The following CCDC18 variants were observed in gnomAD, a reference collection of about 807,000 sequenced individuals.
CCDC18 encodes coiled-coil domain-containing protein 18.
Under a neutral mutation model 196.0 loss-of-function variants are expected in CCDC18, and 157 were observed. That is an observed-to-expected ratio of 0.80 (90% confidence interval 0.70 to 0.91). The LOEUF is 0.91. Among genes scored for constraint, CCDC18 ranks in the 40% least tolerant of loss-of-function variants. The pLI, the probability that CCDC18 is intolerant of heterozygous loss-of-function variation, is 0.00. For missense variants in CCDC18, 1,465 were observed against 1,611.6 expected (o/e 0.91, Z 1.56); for synonymous variants, 482 against 529.2 (o/e 0.91, Z 1.22).
At chr1:93,237,853 T>C (rs1340872469) in intron 19 of CCDC18, among the ~76,000 whole-genome samples, 1 of 152,184 alleles carries the variant, frequency 6.6e-6, no homozygotes, top group African/African-American at 2.4e-5. Flanking sequence ...ATCTTTAACA[T>C]ACCTCAGCCA....
chr1:93,197,124 G>A (rs1275701665), intron 6 of CCDC18, among the ~76,000 whole-genome samples: 1 of 151,864 alleles, frequency 6.6e-6, no homozygotes, highest in Non-Finnish European at 1.5e-5. Context: ...AGGAAAAGGA[G>A]GACATCAGAA....
chr1:93,200,751 A>G (rs1210089502), intron 6 of CCDC18, among the ~76,000 whole-genome samples: 1 of 152,224 alleles, frequency 6.6e-6, no homozygotes, highest in East Asian at 1.9e-4. Context: ...ATTTATCCAG[A>G]CTTTTTGATG....
At chr1:93,251,811 A>G (rs1044936125) in intron 23 of CCDC18, among the ~76,000 whole-genome samples, 2 of 152,084 alleles carry the variant, frequency 1.3e-5, no homozygotes, top group Non-Finnish European at 2.9e-5. Flanking sequence ...CTGCATACTT[A>G]TATCTTTCCT....
intron 18 of CCDC18, 21 bp from the exon 19 acceptor site, chr1:93,236,227 T>C: frequency 6.5e-7 from 1 of 1,546,966 alleles, no homozygotes; most frequent in Non-Finnish European, 8.7e-7. Context: ...TTAAAATGTT[T>C]ACTGAAAACT....
chr1:93,204,202 A>T (rs763985168), intron 7 of CCDC18, among the ~76,000 whole-genome samples: 3 of 152,142 alleles, frequency 2.0e-5, no homozygotes, highest in Non-Finnish European at 4.4e-5. Flanking sequence ...GGTCTGAATG[A>T]TATGCAAGAT....
Position 93,221,928 on chromosome 1 carries a change from A to G in CCDC18, c.2167A>G (p.Thr723Ala). ...KALQNQVSEE[T>A]IKVRQLDSAL... ...ATTACAGAACCAAGTATCTGAAGAA[A>G]CAATCAAGGCTAGTATGCTAATACT... is the stretch of plus-strand genomic sequence containing the variant. Residue 723 changes from threonine (T) to alanine (A), a missense_variant, in exon 16 of 29, where the codon ACA (threonine) becomes GCA (alanine). Coordinates refer to ENST00000690025, the MANE Select transcript of CCDC18 (RefSeq NM_001378204.1). The G allele has an allele frequency of 1.3e-6, 2 of 1,584,670 alleles. No individual in the cohort carries two copies. Among genetic ancestry groups the G allele is most frequent in the East Asian group, 2.2e-5 (1 of 44,524 alleles).
At chr1:93,249,408 CTT>C (rs144438088) in intron 23 of CCDC18, among the ~76,000 whole-genome samples, 13,794 of 151,948 alleles carry the variant, frequency 0.091, 2,025 homozygotes, top group African/African-American at 0.31. Context: ...GAAATTAACT[CTT>C]TGTTTCATTT....
intron 14 of CCDC18, among the ~76,000 whole-genome samples, chr1:93,220,976 C>T (rs993647311): frequency 6.6e-6 from 1 of 152,182 alleles, no homozygotes; most frequent in Non-Finnish European, 1.5e-5. Context: ...CTTTTTATGG[C>T]TGCATAGTAT....
In CCDC18 at chr1:93,232,969, TA is replaced by T. The variant is rs1197690862; in HGVS notation, c.2460+389del. 1.1e-3 allele frequency among the ~76,000 whole-genome samples: 161 copies of T among 144,618 alleles called. 1 individual carries two copies. The highest frequency in any genetic ancestry group is 3.5e-3 in the Middle Eastern group (1 of 286). 94.9% of individuals were successfully genotyped at this position (144,618 alleles called of 152,430 possible). The stretch of plus-strand genomic sequence containing the variant: ...CTGGGCGACAGAGTGAGACTCCGCC[TA>T]AAAAAAAAAAAATTGCTGTTAAACC... On this transcript the variant is annotated intron_variant, in intron 18 of 28. Transcript: ENST00000690025.
At chr1:93,243,079 C>G (rs533227104) in intron 21 of CCDC18, among the ~76,000 whole-genome samples, 8 of 152,322 alleles carry the variant, frequency 5.3e-5, no homozygotes, top group Admixed American at 5.2e-4. Context: ...CTCTACCAGG[C>G]AGCGCCCCAG....
chr1:93,201,637 A>G lies in CCDC18; in HGVS notation c.699-255A>G, dbSNP rs866479947. Among the ~76,000 whole-genome samples the G allele has an allele frequency of 4.6e-5, 7 of 151,796 alleles. No individual in the cohort carries two copies. The South Asian group carries it at 1.0e-3, about 23-fold the overall frequency. On this transcript the variant is annotated intron_variant, in intron 6 of 28. Transcript: ENST00000690025. ...TAGGGAAAAAAAAAATTGCCAACAC[A>G]TAAGAATTTATATATATTTCGACAT... is the stretch of plus-strand genomic sequence containing the variant.
chr1:93,188,091 G>T (rs145407210), intron 4 of CCDC18, among the ~76,000 whole-genome samples: 2 of 152,180 alleles, frequency 1.3e-5, no homozygotes, highest in African/African-American at 2.4e-5. Context: ...AAACATACCA[G>T]TGGTTATGTG....
intron 9 of CCDC18, among the ~76,000 whole-genome samples, chr1:93,209,966 TAGG>T (rs948213262): frequency 2.0e-5 from 3 of 151,794 alleles, no homozygotes; most frequent in Non-Finnish European, 4.4e-5. Context: ...GAAGCTGAGG[TAGG>T]AGGATTGCTT....
Position 93,246,828 on chromosome 1 carries a change from T to C in CCDC18, c.3082-10T>C. On this transcript the variant is annotated splice_polypyrimidine_tract_variant and intron_variant, in intron 22 of 28. Coordinates refer to ENST00000690025, the MANE Select transcript of CCDC18 (RefSeq NM_001378204.1). ...ATAAAATTGAACAACAGTTTAAGGT[T>C]ATTTTTTAGGTTACACATTTGGATA... is the stretch of plus-strand genomic sequence containing the variant. 2 of 1,234,762 alleles carry C rather than the reference T, an allele frequency of 1.6e-6. No homozygotes were observed. The highest frequency in any genetic ancestry group is 2.4e-6 in the Non-Finnish European group (2 of 847,082). The allele number at this position is 1,234,762 out of a possible 1,614,324, so 76.5% of individuals were successfully genotyped here.
At position 93,226,389 on chromosome 1, in the gene CCDC18, G is replaced by T. The variant is rs760189203; in HGVS notation, c.2232G>T (p.Leu744Phe). ...GTAAGGAAGAACTTGTCTTGCATTTGAATCAATTGGAAGGAAATAAGGAAA... is the reference window on the plus strand; with the variant it reads ...GTAAGGAAGAACTTGTCTTGCATTTTAATCAATTGGAAGGAAATAAGGAAA... ...EICKEELVLH[L>F]NQLEGNKEKF... Residue 744 changes from leucine to phenylalanine, a missense_variant, in exon 17 of 29, where the codon TTG (leucine) becomes TTT (phenylalanine). Leu to Phe is a conservative substitution (Grantham distance 22). Transcript: ENST00000690025. The T allele has an allele frequency of 1.3e-6, 2 of 1,586,266 alleles. No individual in the cohort carries two copies. The highest frequency in any genetic ancestry group is 1.1e-5 in the South Asian group (1 of 89,736).
chr1:93,272,413 T>C (rs879729274), intron 28 of CCDC18, among the ~76,000 whole-genome samples: 2 of 152,222 alleles, frequency 1.3e-5, no homozygotes, highest in Non-Finnish European at 2.9e-5. Context: ...TGGCCAAAAT[T>C]TCACTTTTAG....
At chr1:93,186,088 A>C (rs76223627) in intron 3 of CCDC18, among the ~76,000 whole-genome samples, 1 of 151,868 alleles carries the variant, frequency 6.6e-6, no homozygotes, top group Admixed American at 6.6e-5. Context: ...AGCATATTCA[A>C]CTTTGCTGGA....
intron 1 of CCDC18, among the ~76,000 whole-genome samples, chr1:93,182,732 T>TG (rs36092207): frequency 0.014 from 2,154 of 152,308 alleles, 28 homozygotes; most frequent in Middle Eastern, 0.027. Flanking sequence ...TCCCTGTGGT[T>TG]GTGACTTGTA....
chr1:93,252,654 T>G (rs1662420297), intron 23 of CCDC18, among the ~76,000 whole-genome samples: 1 of 152,272 alleles, frequency 6.6e-6, no homozygotes, highest in African/African-American at 2.4e-5. Flanking sequence ...TAAGGTTGTA[T>G]TTCTTTCAAT....
Sources: gnomAD v4.1 joint callset for allele counts (sites outside exome capture counted in the v4.1 genomes callset) on GRCh38, gnomAD v4.1.1 for gene constraint, MANE v1.5 for transcripts, NCBI Gene and HGNC (gene_info 2026-07-23, HGNC 2026-07-21) for gene names.